SRGAP2B: variants seen among roughly 807,000 people sequenced by gnomAD.
SRGAP2B encodes the protein SLIT-ROBO Rho GTPase activating protein 2B.
A neutral mutation model predicts 22.2 loss-of-function variants in SRGAP2B; 9 were observed. The observed-to-expected ratio is 0.41, with a 90% confidence interval of 0.24 to 0.71. The LOEUF (loss-of-function observed/expected upper bound fraction) is 0.71, where lower values mean the gene tolerates loss of function less well. SRGAP2B is among the 30% of genes least tolerant of loss of function. SRGAP2B has a pLI of 0.35. For synonymous variants in SRGAP2B, 36 were observed against 87.4 expected, an observed-to-expected ratio of 0.41 and a Z score of 3.28; for missense variants, 114 against 235.8, an observed-to-expected ratio of 0.48 and a Z score of 3.38.
rs587595237 is a variant in SRGAP2B at position 144,958,239 on chromosome 1, G to T, written c.261-2638C>A. ...TCAACCTAACACCATGGGAAAGGAT[G>T]CAGAGCACATATCCCCAAGGTGTCC... On this transcript the variant is annotated intron_variant, in intron 3 of 9. Coordinates refer to ENST00000612199, the Ensembl canonical transcript of SRGAP2B. 4.0e-5 allele frequency among the ~76,000 whole-genome samples: 6 copies of T among 151,364 alleles called. 1 individual carries two copies. The highest frequency in any genetic ancestry group is 8.8e-5 in the Non-Finnish European group (6 of 67,976).
intron 4 of SRGAP2B, among the ~76,000 whole-genome samples, chr1:144,930,382 TC>T (rs1385266894): frequency 9.7e-6 from 1 of 103,026 alleles, no homozygotes; most frequent in Non-Finnish European, 1.9e-5. Flanking sequence ...TAGGGACTTT[TC>T]AAAAACCACA....
At chr1:145,091,152 G>A (rs1262447407) in intron 2 of SRGAP2B, among the ~76,000 whole-genome samples, 13 of 15,056 alleles carry the variant, frequency 8.6e-4, no homozygotes, top group Non-Finnish European at 1.1e-3. Flanking sequence ...GTCAAATGGC[G>A]TGCTTCTGGA....
At chr1:145,046,994 G>A (rs1260861315) in intron 2 of SRGAP2B, among the ~76,000 whole-genome samples, 2 of 121,552 alleles carry the variant, frequency 1.6e-5, no homozygotes, top group African/African-American at 7.0e-5. Flanking sequence ...TGGCCCACAT[G>A]GCGAAACCCC....
intron 3 of SRGAP2B, among the ~76,000 whole-genome samples, chr1:144,971,379 C>T (rs185745507): frequency 0.012 from 1,833 of 150,272 alleles, 37 homozygotes; most frequent in Middle Eastern, 0.065. Flanking sequence ...GATCTGTCCA[C>T]ATTGGCCTCC....
chr1:144,915,784 C>T (rs1296139621), intron 4 of SRGAP2B, among the ~76,000 whole-genome samples: 1 of 150,790 alleles, frequency 6.6e-6, no homozygotes, highest in Non-Finnish European at 1.5e-5. Flanking sequence ...GAAATTGTCA[C>T]ACCTTCTATA....
chr1:144,970,062 G>A (rs1251953982), intron 3 of SRGAP2B, among the ~76,000 whole-genome samples: 6 of 149,512 alleles, frequency 4.0e-5, no homozygotes, highest in Non-Finnish European at 7.4e-5. Context: ...CTGTAAACTA[G>A]TTCAACCATT....
intron 2 of SRGAP2B, among the ~76,000 whole-genome samples, chr1:145,069,187 C>CA (rs1198268878): frequency 1.4e-5 from 2 of 146,694 alleles, no homozygotes; most frequent in Non-Finnish European, 3.0e-5. Context: ...TCTGAGAGGA[C>CA]AAAAAAAAAG....
chr1:145,003,262 CT>C (rs1671339157), intron 2 of SRGAP2B, among the ~76,000 whole-genome samples: 1 of 139,214 alleles, frequency 7.2e-6, no homozygotes, highest in Non-Finnish European at 1.5e-5. Context: ...ATAAATTTGT[CT>C]GTTCAGTTGA....
At chr1:144,909,369 G>C (rs1663235252) in intron 5 of SRGAP2B, among the ~76,000 whole-genome samples, 1 of 144,710 alleles carries the variant, frequency 6.9e-6, no homozygotes, top group African/African-American at 2.7e-5. Context: ...CGGATCACGA[G>C]GTCAGGAGAT....
chr1:145,047,175 CAA>C (rs4058382), intron 2 of SRGAP2B, among the ~76,000 whole-genome samples: 241 of 14,578 alleles, frequency 0.017, no homozygotes, highest in African/African-American at 0.13. Flanking sequence ...GACTCTGTCT[CAA>C]AAAAAAAAAA....
At chr1:144,904,225 T>C (rs1344451464) in intron 7 of SRGAP2B, among the ~76,000 whole-genome samples, 1 of 149,778 alleles carries the variant, frequency 6.7e-6, no homozygotes, top group Admixed American at 6.6e-5. Context: ...TGAGCTTCCT[T>C]ATCTAGCAAC....
chr1:144,910,138 GA>G (rs1663312238), intron 5 of SRGAP2B, among the ~76,000 whole-genome samples: 1 of 142,332 alleles, frequency 7.0e-6, no homozygotes, highest in Non-Finnish European at 1.5e-5. Flanking sequence ...GAAATAAAAC[GA>G]TACTGCATCA....
intron 2 of SRGAP2B, among the ~76,000 whole-genome samples, chr1:145,084,328 A>G (rs1289093061): frequency 6.9e-6 from 1 of 145,288 alleles, no homozygotes; most frequent in African/African-American, 2.6e-5. Flanking sequence ...TGCCCCCAGC[A>G]GAAGGATGAG....
intron 2 of SRGAP2B, among the ~76,000 whole-genome samples, chr1:145,041,569 G>A (rs1649261297): frequency 7.7e-6 from 1 of 129,432 alleles, no homozygotes; most frequent in African/African-American, 3.3e-5. Flanking sequence ...TGAGGCAAGA[G>A]GATCACTTCA....
At chr1:144,982,720 T>C (rs1414627282) in intron 3 of SRGAP2B, among the ~76,000 whole-genome samples, 1 of 145,648 alleles carries the variant, frequency 6.9e-6, no homozygotes, top group African/African-American at 2.6e-5. Flanking sequence ...AAAGCTCTGG[T>C]TTTTCCCACA....
intron 2 of SRGAP2B, among the ~76,000 whole-genome samples, chr1:145,057,740 C>CAAA (rs1247315354): frequency 3.2e-5 from 1 of 30,976 alleles, no homozygotes; most frequent in African/African-American, 1.4e-4. Context: ...CTTGCTCTTT[C>CAAA]ACCCAGGCCA....
chr1:144,991,057 G>A (rs1433288665), intron 3 of SRGAP2B, among the ~76,000 whole-genome samples: 2 of 150,814 alleles, frequency 1.3e-5, no homozygotes, highest in Non-Finnish European at 2.9e-5. Flanking sequence ...GGACTGGCAG[G>A]CAGCTCCACC....
chr1:144,905,311 A>G (rs1311972190), intron 6 of SRGAP2B, 92 bp from the exon 7 acceptor site: 21 of 621,304 alleles, frequency 3.4e-5, no homozygotes, highest in Non-Finnish European at 5.3e-5. Flanking sequence ...CAAGAACTAC[A>G]ATTGTGTTGC....
chr1:144,984,705 A>C (rs1669589508), intron 3 of SRGAP2B, among the ~76,000 whole-genome samples: 1 of 149,386 alleles, frequency 6.7e-6, no homozygotes, highest in Non-Finnish European at 1.5e-5. Context: ...CTTATGATCT[A>C]CTGCAGCAAC....
Sources: allele counts gnomAD v4.1 joint callset (sites outside exome capture counted in the v4.1 genomes callset), GRCh38; gene constraint gnomAD v4.1.1; transcripts MANE v1.5; gene names NCBI Gene and HGNC (gene_info 2026-07-23, HGNC 2026-07-21).